Variants in NRF1 observed in about 807,000 individuals in gnomAD.
The protein encoded by NRF1 is nuclear respiratory factor 1.
A neutral mutation model predicts 58.5 loss-of-function variants in NRF1; 5 were observed. The ratio of observed to expected loss-of-function variants is 0.09; its 90% CI spans 0.04 to 0.18. The LOEUF is 0.18. Among genes scored for constraint, NRF1 ranks in the 10% least tolerant of loss-of-function variants. NRF1 has a pLI of 1.00. For missense variants in NRF1, 288 were observed against 657.7 expected (o/e 0.44, Z 6.15); for synonymous variants, 224 against 246.7 (o/e 0.91, Z 0.86).
chr7:129,642,737 A>C (rs766945951), intron 1 of NRF1, among the ~76,000 whole-genome samples: 4 of 149,528 alleles, frequency 2.7e-5, no homozygotes, highest in Non-Finnish European at 4.4e-5. Context: ...TCACTTCTAA[A>C]AGAATACATT....
At chr7:129,655,221 G>A (rs1411626124) in intron 1 of NRF1, among the ~76,000 whole-genome samples, 1 of 152,044 alleles carries the variant, frequency 6.6e-6, no homozygotes, top group Non-Finnish European at 1.5e-5. Flanking sequence ...TGGTGCAAAT[G>A]TAAATGGTAT....
At chr7:129,614,904 A>G (rs1000524827) in intron 1 of NRF1, among the ~76,000 whole-genome samples, 3 of 152,202 alleles carry the variant, frequency 2.0e-5, no homozygotes, top group Non-Finnish European at 4.4e-5. Flanking sequence ...GGTTCAACCA[A>G]ATCTCTGGGT....
chr7:129,752,410 G>A (rs1804141082), intron 10 of NRF1, among the ~76,000 whole-genome samples: 2 of 152,216 alleles, frequency 1.3e-5, no homozygotes, highest in South Asian at 2.1e-4. Flanking sequence ...GTGAGAGAGT[G>A]AGGGAGATGA....
rs545079550 is a variant in NRF1, at chr7:129,626,704, G to A, written c.-7+14880G>A. Among the ~76,000 whole-genome samples, 10 of 152,320 alleles carry A rather than the reference G, an allele frequency of 6.6e-5. 1 individual carries two copies. The South Asian group carries it at 2.1e-3, about 32-fold the overall frequency. ...AATGCTGTGATGAATACAAAAAGGG[G>A]AAGAAGTAGCAACTACACCAATTAT... On this transcript the variant is annotated intron_variant, in intron 1 of 10. Coordinates refer to ENST00000393232, the MANE Select transcript of NRF1 (RefSeq NM_005011.5).
At chr7:129,736,631 C>CTTT (rs5887442) in intron 10 of NRF1, among the ~76,000 whole-genome samples, 3 of 143,998 alleles carry the variant, frequency 2.1e-5, no homozygotes, top group Non-Finnish European at 3.0e-5. Context: ...GTATCTATAG[C>CTTT]TTTTTTTTTT....
chr7:129,664,027 A>G (rs1046641955), intron 2 of NRF1, among the ~76,000 whole-genome samples: 16 of 150,316 alleles, frequency 1.1e-4, no homozygotes, highest in Non-Finnish European at 2.1e-4. Context: ...CGCCAGGCCG[A>G]GGCAGGAGAA....
intron 1 of NRF1, among the ~76,000 whole-genome samples, chr7:129,656,146 A>T (rs1337776055): frequency 6.6e-6 from 1 of 151,998 alleles, no homozygotes; most frequent in Non-Finnish European, 1.5e-5. Flanking sequence ...ACTAATATGT[A>T]AAGTTTTATA....
At chr7:129,626,868 C>T (rs1177053050) in intron 1 of NRF1, among the ~76,000 whole-genome samples, 1 of 152,178 alleles carries the variant, frequency 6.6e-6, no homozygotes. Context: ...GATGTGTATC[C>T]ATTGCTAAAG....
At chr7:129,667,301 G>A (rs919537560) in intron 2 of NRF1, among the ~76,000 whole-genome samples, 2 of 152,172 alleles carry the variant, frequency 1.3e-5, no homozygotes, top group Admixed American at 1.3e-4. Context: ...TGGCATCTCA[G>A]TGTTGGTTTA....
intron 8 of NRF1, among the ~76,000 whole-genome samples, chr7:129,713,145 G>A (rs1229631342): frequency 6.9e-6 from 1 of 145,620 alleles, no homozygotes; most frequent in Non-Finnish European, 1.5e-5. Context: ...GGCCCAGGCT[G>A]GAGTGTAGTG....
chr7:129,649,094 A>G (rs1473604125), intron 1 of NRF1, among the ~76,000 whole-genome samples: 2 of 151,348 alleles, frequency 1.3e-5, no homozygotes, highest in African/African-American at 2.4e-5. Context: ...CTTTGATTCT[A>G]TTTTCACTCT....
At chr7:129,632,014 T>G (rs1175810849) in intron 1 of NRF1, among the ~76,000 whole-genome samples, 1 of 152,172 alleles carries the variant, frequency 6.6e-6, no homozygotes, top group Admixed American at 6.5e-5. Context: ...GTGGCTTGTG[T>G]CTGTAATCCC....
At chr7:129,746,726 T>G (rs546571317) in intron 10 of NRF1, among the ~76,000 whole-genome samples, 22 of 152,260 alleles carry the variant, frequency 1.4e-4, no homozygotes, top group Non-Finnish European at 2.6e-4. Context: ...ATTTCTTTGA[T>G]GTACATGGTT....
chr7:129,693,543 T>G (rs1435193084), intron 5 of NRF1, among the ~76,000 whole-genome samples: 4 of 149,118 alleles, frequency 2.7e-5, no homozygotes, highest in African/African-American at 7.4e-5. Flanking sequence ...TTTTTTGGCG[T>G]TTTTTTTTTC....
intron 9 of NRF1, among the ~76,000 whole-genome samples, chr7:129,721,496 T>A (rs1213658235): frequency 4.6e-5 from 7 of 151,044 alleles, no homozygotes; most frequent in Non-Finnish European, 8.8e-5. Context: ...TTTTTTTTTT[T>A]ATTGAGACAG....
intron 9 of NRF1, 89 bp downstream of exon 9, chr7:129,717,465 G>T: frequency 7.2e-7 from 1 of 1,379,392 alleles, no homozygotes; most frequent in South Asian, 1.5e-5. Context: ...ATGTGTCTCT[G>T]TTTGCCACAG....
intron 10 of NRF1, chr7:129,735,146 C>G: frequency 1.0e-6 from 1 of 985,420 alleles, no homozygotes; most frequent in Non-Finnish European, 1.2e-6. Flanking sequence ...ACTGAAGACT[C>G]AGAAACCACC....
rs1303659822 is a variant in NRF1 at position 129,611,762 on chromosome 7, G to C, written c.-69G>C. 1 of 302,874 alleles carries C rather than the reference G, an allele frequency of 3.3e-6. No homozygotes were observed. Among genetic ancestry groups the C allele is most frequent in the African/African-American group, 2.2e-5 (1 of 46,064 alleles). The allele number at this position is 302,874 out of a possible 1,614,324, so 18.8% of individuals were successfully genotyped here. On this transcript the variant is annotated 5_prime_UTR_variant, in exon 1 of 11. Transcript: ENST00000393232. Reference sequence around the variant, plus strand: ...CCATTGCCGCTGGTGGCAGGAGGCTGCGAGGAGCCGGCGCGGTCGCAGTCT... The same window carrying C: ...CCATTGCCGCTGGTGGCAGGAGGCTCCGAGGAGCCGGCGCGGTCGCAGTCT...
At chr7:129,722,665 C>T (rs896341415) in intron 9 of NRF1, among the ~76,000 whole-genome samples, 1 of 152,040 alleles carries the variant, frequency 6.6e-6, no homozygotes, top group Non-Finnish European at 1.5e-5. Flanking sequence ...TCTACCATAC[C>T]ACATTTTAGA....
Sources: allele counts gnomAD v4.1 joint callset (sites outside exome capture counted in the v4.1 genomes callset), GRCh38; gene constraint gnomAD v4.1.1; transcripts MANE v1.5; gene names NCBI Gene and HGNC (gene_info 2026-07-23, HGNC 2026-07-21).